The following RASGRF1 variants were observed in gnomAD, a reference collection of about 807,000 sequenced individuals.
The protein encoded by RASGRF1 is ras-specific guanine nucleotide-releasing factor 1.
Under a neutral mutation model 138.7 loss-of-function variants are expected in RASGRF1, and 40 were observed. The observed-to-expected ratio is 0.29, with a 90% CI of 0.22 to 0.38. The LOEUF (loss-of-function observed/expected upper bound fraction) is 0.38. Among genes scored for constraint, RASGRF1 ranks in the 10% least tolerant of loss-of-function variants. RASGRF1 has a pLI of 1.00. For missense variants in RASGRF1, 1,108 were observed against 1,650.4 expected (o/e 0.67, Z 5.69); for synonymous variants, 614 against 663.2 (o/e 0.93, Z 1.14).
chr15:78,993,264 GGTGTGTGTGGT>G (rs1448955380), intron 20 of RASGRF1, among the ~76,000 whole-genome samples: 10 of 81,210 alleles, frequency 1.2e-4, no homozygotes, highest in Admixed American at 3.1e-4. Context: ...TGTGTGGTGT[GGTGTGTGTGGT>G]GTGTGTGTGG....
At chr15:78,977,176 A>G (rs1596315525) in intron 24 of RASGRF1, among the ~76,000 whole-genome samples, 1 of 151,884 alleles carries the variant, frequency 6.6e-6, no homozygotes, top group Non-Finnish European at 1.5e-5. Context: ...CAATGAGTCC[A>G]CCTCCCCTTC....
At chr15:78,993,489 G>T (rs1331196064) in intron 20 of RASGRF1, among the ~76,000 whole-genome samples, 1 of 152,028 alleles carries the variant, frequency 6.6e-6, no homozygotes, top group Non-Finnish European at 1.5e-5. Context: ...AGGAACATGG[G>T]TGTTGGGGGA....
At chr15:79,081,340 A>G (rs890552561) in intron 1 of RASGRF1, among the ~76,000 whole-genome samples, 8 of 152,180 alleles carry the variant, frequency 5.3e-5, no homozygotes, top group African/African-American at 9.7e-5. Flanking sequence ...GTACTCCCCA[A>G]ATTCAGGCCT....
intron 14 of RASGRF1, chr15:79,005,619 C>T: frequency 1.0e-6 from 1 of 988,276 alleles, no homozygotes; most frequent in Non-Finnish European, 1.2e-6. Flanking sequence ...CTAAGGTGGC[C>T]TGCACTCCTT....
intron 22 of RASGRF1, chr15:78,985,926 G>GAAAAAAAAAAAAAAAAAAAAAAAAAACAA (rs10584043): frequency 1.2e-5 from 1 of 83,374 alleles, no homozygotes; most frequent in African/African-American, 5.0e-5. Context: ...CTCCATCTCA[G>GAAAAAAAAAAAAAAAAAAAAAAAAAACAA]AAAAAAAAAA....
At chr15:79,029,169 G>A (rs1454510052) in intron 8 of RASGRF1, among the ~76,000 whole-genome samples, 1 of 152,174 alleles carries the variant, frequency 6.6e-6, no homozygotes, top group African/African-American at 2.4e-5. Flanking sequence ...ATGGACCAGG[G>A]CCTTTCGCTG....
chr15:79,019,991 T>A, intron 11 of RASGRF1, 50 bp downstream of exon 11: 1 of 1,601,110 alleles, frequency 6.2e-7, no homozygotes, highest in Non-Finnish European at 8.6e-7. Context: ...AGTGAGCGTG[T>A]GTGTATCTGT....
At chr15:79,021,320 T>G (rs2056958106) in intron 10 of RASGRF1, among the ~76,000 whole-genome samples, 1 of 152,232 alleles carries the variant, frequency 6.6e-6, no homozygotes, top group South Asian at 2.1e-4. Flanking sequence ...AATCTATATA[T>G]GAAAATGCTT....
intron 1 of RASGRF1, among the ~76,000 whole-genome samples, chr15:79,066,997 T>TTAGG (rs1031187599): frequency 3.9e-5 from 6 of 152,192 alleles, no homozygotes; most frequent in African/African-American, 1.4e-4. Flanking sequence ...CTGCCCTAGG[T>TTAGG]TAGGCCCCAC....
intron 20 of RASGRF1, 47 bp downstream of exon 20, chr15:78,995,693 G>A (rs775192361): frequency 5.7e-5 from 91 of 1,605,226 alleles, no homozygotes; most frequent in Non-Finnish European, 7.3e-5. Context: ...CTGGGCAGGA[G>A]GATGGGGAGG....
rs2057787559 is a variant in RASGRF1, at chr15:79,073,375, A to G, written c.277-8849T>C. On this transcript the variant is annotated intron_variant, in intron 1 of 26. Coordinates refer to ENST00000558480, the MANE Select transcript of RASGRF1 (RefSeq NM_001145648.3). This position sits in a 1 kb window ranked among gnomAD's most constrained non-coding sequence, Gnocchi z 4.2. ...TAACTGGACTGGAGCCAGGTAGAGC[A>G]AGGGCTCCCCAAACTGCCCCAACAG... Among the ~76,000 whole-genome samples the G allele has an allele frequency of 6.6e-6, 1 of 152,134 alleles. No individual in the cohort carries two copies. Among genetic ancestry groups the G allele is most frequent in the South Asian group, 2.1e-4 (1 of 4,824 alleles).
At chr15:78,988,130 G>A (rs539979731) in intron 22 of RASGRF1, among the ~76,000 whole-genome samples, 15 of 152,314 alleles carry the variant, frequency 9.8e-5, no homozygotes, top group South Asian at 4.1e-4. Context: ...GACCGTGTGC[G>A]TTCAAAATTG....
At chr15:79,056,505 G>A (rs2057513360) in intron 3 of RASGRF1, among the ~76,000 whole-genome samples, 1 of 152,200 alleles carries the variant, frequency 6.6e-6, no homozygotes, top group Non-Finnish European at 1.5e-5. Flanking sequence ...CTGGCAAGCA[G>A]ACAGGAGACC....
intron 24 of RASGRF1, chr15:78,978,511 C>T (rs2055931380): frequency 1.0e-6 from 1 of 983,352 alleles, no homozygotes; most frequent in Non-Finnish European, 1.2e-6. Context: ...AGGCATGAGC[C>T]ACTGTGCCTA....
intron 7 of RASGRF1, among the ~76,000 whole-genome samples, chr15:79,031,714 G>C (rs1220529079): frequency 6.7e-6 from 1 of 150,336 alleles, no homozygotes; most frequent in Non-Finnish European, 1.5e-5. Flanking sequence ...GAGAGAGCGC[G>C]TGAGCATGGG....
chr15:79,081,258 C>A (rs982368629), intron 1 of RASGRF1, among the ~76,000 whole-genome samples: 1 of 152,218 alleles, frequency 6.6e-6, no homozygotes, highest in Non-Finnish European at 1.5e-5. Flanking sequence ...AATGGCCCAC[C>A]ACTAAAGCAC....
chr15:78,974,233 G>A (rs573189324), intron 24 of RASGRF1, among the ~76,000 whole-genome samples: 9 of 152,300 alleles, frequency 5.9e-5, no homozygotes, highest in African/African-American at 2.2e-4. Flanking sequence ...TGTGCCGGCA[G>A]GGCTCCCTTT....
chr15:79,007,937 G>A (rs532269905), intron 13 of RASGRF1, among the ~76,000 whole-genome samples: 42 of 151,320 alleles, frequency 2.8e-4, no homozygotes, highest in African/African-American at 1.0e-3. Flanking sequence ...CTGCCTCCAC[G>A]ATTCAAGTGA....
At chr15:78,975,918 C>T (rs56060107) in intron 24 of RASGRF1, among the ~76,000 whole-genome samples, 34,578 of 151,998 alleles carry the variant, frequency 0.23, 4,027 homozygotes, top group Non-Finnish European at 0.25. Flanking sequence ...ACTCTGGAGT[C>T]GTAAGGCTGT....
Sources: gnomAD v4.1 joint callset for allele counts (sites outside exome capture counted in the v4.1 genomes callset) on GRCh38, gnomAD v4.1.1 for gene constraint, Gnocchi (gnomAD v3.1) non-coding constraint, MANE v1.5 for transcripts, NCBI Gene and HGNC (gene_info 2026-07-23, HGNC 2026-07-21) for gene names.